Variants in CAMTA1 observed in about 807,000 individuals in gnomAD.
The protein encoded by CAMTA1 is calmodulin-binding transcription activator 1.
CAMTA1 carries 27 observed loss-of-function variants against 170.9 expected under a neutral mutation model. The observed-to-expected ratio is 0.16, with a 90% CI of 0.12 to 0.22. The LOEUF (loss-of-function observed/expected upper bound fraction) is 0.22, where lower values mean the gene tolerates loss of function less well. Ranked by LOEUF, CAMTA1 falls within the 10% of genes least tolerant of loss-of-function variation. The pLI is 1.00. For missense variants in CAMTA1, 1,619 were observed against 2,217.2 expected (o/e 0.73, Z 5.42); for synonymous variants, 833 against 891.5 (o/e 0.93, Z 1.17).
rs563759310 is a variant in CAMTA1, at chr1:7,043,795, G to A, written c.235-47509G>A. 3.9e-5 allele frequency among the ~76,000 whole-genome samples: 6 copies of A among 152,316 alleles called. No homozygotes were observed. In the South Asian group the frequency reaches 8.3e-4, roughly 21 times the overall value. On this transcript the variant is annotated intron_variant, in intron 3 of 22. Transcript: ENST00000303635. ...TGCAGTTTGGCAGGCTTTGCATTTAGCAAATACTCGGGCCCTCAGGCTAGA... is the reference window on the plus strand; with the variant it reads ...TGCAGTTTGGCAGGCTTTGCATTTAACAAATACTCGGGCCCTCAGGCTAGA...
intron 3 of CAMTA1, among the ~76,000 whole-genome samples, chr1:6,876,720 C>A (rs754636422): frequency 1.3e-5 from 2 of 152,064 alleles, no homozygotes; most frequent in Non-Finnish European, 2.9e-5. Context: ...AGGTACTGCC[C>A]GTCATTAGCT....
At chr1:7,625,665 G>T in intron 6 of CAMTA1, among the ~76,000 whole-genome samples, 1 of 152,270 alleles carries the variant, frequency 6.6e-6, no homozygotes. Context: ...CTGGCATAGG[G>T]CAGCCTCACT....
intron 3 of CAMTA1, among the ~76,000 whole-genome samples, chr1:6,975,468 T>G (rs1693254682): frequency 6.6e-6 from 1 of 152,156 alleles, no homozygotes; most frequent in African/African-American, 2.4e-5. Flanking sequence ...GGAGGGACGG[T>G]CATCGTTTGT....
At chr1:6,909,355 C>T (rs1679231408) in intron 3 of CAMTA1, among the ~76,000 whole-genome samples, 1 of 152,218 alleles carries the variant, frequency 6.6e-6, no homozygotes, top group Non-Finnish European at 1.5e-5. Flanking sequence ...ATAGTTATTT[C>T]ATTCTCAGGA....
intron 4 of CAMTA1, among the ~76,000 whole-genome samples, chr1:7,169,670 C>T (rs1379791010): frequency 6.6e-6 from 1 of 152,138 alleles, no homozygotes; most frequent in African/African-American, 2.4e-5. Context: ...CACCACCACA[C>T]TCAGCTGATT....
chr1:7,347,899 C>T (rs1281597303), intron 5 of CAMTA1, among the ~76,000 whole-genome samples: 1 of 152,218 alleles, frequency 6.6e-6, no homozygotes, highest in Non-Finnish European at 1.5e-5. Context: ...TAATTCCACC[C>T]ACAAAGACTG....
intron 5 of CAMTA1, among the ~76,000 whole-genome samples, chr1:7,322,456 G>A (rs546744453): frequency 4.2e-4 from 64 of 152,372 alleles, no homozygotes; most frequent in Admixed American, 9.1e-4. Context: ...GTATGTAAAT[G>A]AATGCGTGTG....
intron 4 of CAMTA1, among the ~76,000 whole-genome samples, chr1:7,153,039 C>T (rs1646666411): frequency 6.6e-6 from 1 of 152,194 alleles, no homozygotes; most frequent in South Asian, 2.1e-4. Flanking sequence ...GCCTCGAGGT[C>T]ATTTCATAGA....
At chr1:6,872,347 A>G (rs767232344) in intron 3 of CAMTA1, among the ~76,000 whole-genome samples, 78 of 152,256 alleles carry the variant, frequency 5.1e-4, no homozygotes, top group Non-Finnish European at 1.0e-3. Context: ...GCCACATTAT[A>G]CATCTTCAGA....
chr1:7,489,321 A>C (rs909533627), intron 6 of CAMTA1, among the ~76,000 whole-genome samples: 1 of 152,224 alleles, frequency 6.6e-6, no homozygotes, highest in Admixed American at 6.5e-5. Context: ...AATCACAGCC[A>C]AGAGATCTTT....
chr1:6,795,516 A>G (rs1382335684), intron 1 of CAMTA1, among the ~76,000 whole-genome samples: 2 of 152,186 alleles, frequency 1.3e-5, no homozygotes, highest in Admixed American at 6.5e-5. Flanking sequence ...ATTTCTAACA[A>G]TAACACAAAA....
At position 7,573,804 on chromosome 1, in the gene CAMTA1, C is replaced by T. The variant is rs182387902; in HGVS notation, c.511-66596C>T. Among the ~76,000 whole-genome samples the T allele has an allele frequency of 9.4e-3, 1,429 of 152,196 alleles. 13 individuals carry two copies. The highest frequency in any genetic ancestry group is 0.013 in the Non-Finnish European group (911 of 68,012). ...TTCTTGTTGTTTTGAGACAGAGTCT[C>T]GCTCTGTTGCCCGGGCTGGAGTGCA... is the stretch of plus-strand genomic sequence containing the variant. On this transcript the variant is annotated intron_variant, in intron 6 of 22. Coordinates refer to ENST00000303635, the MANE Select transcript of CAMTA1 (RefSeq NM_015215.4).
chr1:7,594,045 A>G (rs192689303), intron 6 of CAMTA1, among the ~76,000 whole-genome samples: 47 of 149,988 alleles, frequency 3.1e-4, no homozygotes, highest in African/African-American at 1.1e-3. Context: ...CTGTTAAAAC[A>G]AAAAAGAGAA....
At chr1:7,527,496 G>A (rs553906329) in intron 6 of CAMTA1, among the ~76,000 whole-genome samples, 1 of 152,324 alleles carries the variant, frequency 6.6e-6, no homozygotes, top group South Asian at 2.1e-4. Context: ...CCTAAGACAG[G>A]AAGTCTGAAA....
At chr1:7,115,821 A>C (rs1160626369) in intron 4 of CAMTA1, among the ~76,000 whole-genome samples, 4 of 152,160 alleles carry the variant, frequency 2.6e-5, no homozygotes, top group Non-Finnish European at 4.4e-5. Context: ...GCAGTCAAGC[A>C]GGAGGGCATC....
chr1:7,452,507 G>T (rs923277316), intron 5 of CAMTA1, among the ~76,000 whole-genome samples: 1 of 152,222 alleles, frequency 6.6e-6, no homozygotes, highest in Non-Finnish European at 1.5e-5. Context: ...AACTCCCAAT[G>T]CATTAGCAGC....
chr1:7,414,409 G>A (rs1007159050), intron 5 of CAMTA1, among the ~76,000 whole-genome samples: 1 of 152,114 alleles, frequency 6.6e-6, no homozygotes, highest in African/African-American at 2.4e-5. Context: ...TGGTTGGTAA[G>A]CTATTGATTA....
At chr1:7,392,881 C>T (rs1418394450) in intron 5 of CAMTA1, among the ~76,000 whole-genome samples, 1 of 151,408 alleles carries the variant, frequency 6.6e-6, no homozygotes, top group Non-Finnish European at 1.5e-5. Flanking sequence ...ATCAATCAAT[C>T]AATCAATCAA....
At chr1:7,542,358 C>G (rs1467930377) in intron 6 of CAMTA1, among the ~76,000 whole-genome samples, 1 of 151,626 alleles carries the variant, frequency 6.6e-6, no homozygotes, top group Non-Finnish European at 1.5e-5. Flanking sequence ...TAGTGTTTTG[C>G]TTTTTTTTCA....
Sources: allele counts gnomAD v4.1 joint callset (sites outside exome capture counted in the v4.1 genomes callset), GRCh38; gene constraint gnomAD v4.1.1; transcripts MANE v1.5; gene names NCBI Gene and HGNC (gene_info 2026-07-23, HGNC 2026-07-21).